GRM5: variants seen among roughly 807,000 people sequenced by gnomAD.
GRM5 encodes the protein metabotropic glutamate receptor 5.
A neutral mutation model predicts 83.1 loss-of-function variants in GRM5; 19 were observed. The ratio of observed to expected loss-of-function variants is 0.23; its 90% CI spans 0.16 to 0.34. GRM5 has a LOEUF of 0.34. GRM5 is among the 10% of genes least tolerant of loss of function. The pLI is 1.00. For synonymous variants in GRM5, 675 were observed against 633.6 expected (o/e 1.07, Z -0.98); for missense variants, 1,160 against 1,588.3 (o/e 0.73, Z 4.58).
At chr11:88,544,983 G>A (rs1012158377) in intron 8 of GRM5, among the ~76,000 whole-genome samples, 3 of 152,242 alleles carry the variant, frequency 2.0e-5, no homozygotes, top group African/African-American at 7.2e-5. Context: ...CTTTGCCTGG[G>A]CCTTTGGGAG....
chr11:89,006,201 A>G (rs1325347056), intron 2 of GRM5, among the ~76,000 whole-genome samples: 1 of 152,234 alleles, frequency 6.6e-6, no homozygotes, highest in Non-Finnish European at 1.5e-5. Flanking sequence ...GCTATGCCAT[A>G]TACTGCCACA....
At chr11:88,994,312 C>T (rs1193089489) in intron 2 of GRM5, among the ~76,000 whole-genome samples, 6 of 151,312 alleles carry the variant, frequency 4.0e-5, no homozygotes, top group Non-Finnish European at 8.8e-5. Context: ...TTACTCAAAG[C>T]AATCTACACA....
At chr11:88,827,085 T>A (rs1943906035) in intron 3 of GRM5, among the ~76,000 whole-genome samples, 1 of 152,216 alleles carries the variant, frequency 6.6e-6, no homozygotes, top group South Asian at 2.1e-4. Context: ...AAGCAATTTG[T>A]ACAAATGACA....
chr11:88,960,756 A>G (rs1938758724), intron 2 of GRM5, among the ~76,000 whole-genome samples: 1 of 152,198 alleles, frequency 6.6e-6, no homozygotes, highest in South Asian at 2.1e-4. Context: ...GTTGACAGAA[A>G]TGGAAGTAAA....
At chr11:88,660,593 G>A (rs985222395) in intron 3 of GRM5, among the ~76,000 whole-genome samples, 6 of 152,160 alleles carry the variant, frequency 3.9e-5, no homozygotes, top group Non-Finnish European at 8.8e-5. Flanking sequence ...GAAGTTAGTG[G>A]TCATTAAACT....
chr11:89,027,536 T>A (rs1268750018), intron 2 of GRM5, among the ~76,000 whole-genome samples: 1 of 152,222 alleles, frequency 6.6e-6, no homozygotes, highest in Non-Finnish European at 1.5e-5. Flanking sequence ...AGCTTCTGAT[T>A]TTCACACTTC....
At chr11:89,040,640 G>A (rs1033482503) in intron 2 of GRM5, among the ~76,000 whole-genome samples, 2 of 152,174 alleles carry the variant, frequency 1.3e-5, no homozygotes, top group Non-Finnish European at 2.9e-5. Flanking sequence ...GGTTGAGACT[G>A]CAGTGATCTA....
chr11:88,702,020 G>T (rs572625815), intron 3 of GRM5, among the ~76,000 whole-genome samples: 2 of 152,066 alleles, frequency 1.3e-5, no homozygotes, highest in East Asian at 3.9e-4. Context: ...AAAAAGGAAG[G>T]GATAAAATGA....
chr11:88,925,412 C>T (rs1945772284), intron 2 of GRM5, among the ~76,000 whole-genome samples: 1 of 152,028 alleles, frequency 6.6e-6, no homozygotes, highest in African/African-American at 2.4e-5. Flanking sequence ...TGCTTGGCCC[C>T]ATTAGCAACT....
At chr11:88,997,450 A>G (rs926448568) in intron 2 of GRM5, among the ~76,000 whole-genome samples, 7 of 151,804 alleles carry the variant, frequency 4.6e-5, no homozygotes, top group African/African-American at 9.7e-5. Context: ...AATAATAAAT[A>G]TAATAACAAA....
chr11:88,895,720 A>G (rs1385349885), intron 2 of GRM5, among the ~76,000 whole-genome samples: 1 of 151,912 alleles, frequency 6.6e-6, no homozygotes, highest in Non-Finnish European at 1.5e-5. Flanking sequence ...TATGTGAACT[A>G]TTTTAAATTG....
At chr11:88,603,933 C>G (rs544636513) in intron 5 of GRM5, among the ~76,000 whole-genome samples, 2 of 152,100 alleles carry the variant, frequency 1.3e-5, no homozygotes, top group Admixed American at 1.3e-4. Context: ...ACCAAAGGAC[C>G]CTATTGTTTT....
chr11:88,897,639 T>G (rs543216974), intron 2 of GRM5, among the ~76,000 whole-genome samples: 1 of 151,906 alleles, frequency 6.6e-6, no homozygotes, highest in African/African-American at 2.4e-5. Context: ...TGACATCTAG[T>G]AGGTTGAGGT....
intron 4 of GRM5, among the ~76,000 whole-genome samples, chr11:88,642,458 G>A (rs1025995052): frequency 8.5e-5 from 13 of 152,160 alleles, no homozygotes; most frequent in African/African-American, 2.4e-4. Flanking sequence ...TCTCTAGCAA[G>A]TGGTTGCTCC....
At chr11:89,036,219 T>G (rs776624326) in intron 2 of GRM5, among the ~76,000 whole-genome samples, 1 of 152,010 alleles carries the variant, frequency 6.6e-6, no homozygotes, top group Non-Finnish European at 1.5e-5. Flanking sequence ...TCTCAACATA[T>G]ATCACCAATT....
chr11:88,602,218 A>G (rs1264719431), intron 5 of GRM5, among the ~76,000 whole-genome samples: 1 of 152,168 alleles, frequency 6.6e-6, no homozygotes, highest in Non-Finnish European at 1.5e-5. Flanking sequence ...TTTGCTGCAG[A>G]AATATTAATG....
chr11:88,846,778 C>A (rs1373467273), intron 3 of GRM5, among the ~76,000 whole-genome samples: 1 of 150,564 alleles, frequency 6.6e-6, no homozygotes, highest in Non-Finnish European at 1.5e-5. Context: ...TTCAGAATAT[C>A]TGTAAACAAA....
intron 8 of GRM5, among the ~76,000 whole-genome samples, chr11:88,545,523 C>T (rs1334026778): frequency 8.0e-6 from 1 of 125,018 alleles, no homozygotes; most frequent in Non-Finnish European, 1.6e-5. Flanking sequence ...ATAATATAAA[C>T]ATGTCCAAAC....
chr11:88,525,312 C>G lies in GRM5; in HGVS notation c.2723G>C (p.Ser908Thr). 6.3e-7 allele frequency: 1 copy of G among 1,584,876 alleles called. No individual in the cohort carries two copies. Among genetic ancestry groups the G allele is most frequent in the Non-Finnish European group, 8.7e-7 (1 of 1,153,690 alleles). ...SMGNGGRATM[S>T]SSNGKSVTWA... ...AGGCCACTCATAGTTTGCTTACCTGCTCATTGTTGCTCTCCCACCATTCCC... is the reference window on the plus strand; with the variant it reads ...AGGCCACTCATAGTTTGCTTACCTGGTCATTGTTGCTCTCCCACCATTCCC... Residue 908 changes from serine to threonine, a missense_variant, in exon 9 of 10, where the codon AGC (serine) becomes ACC (threonine). Transcript: ENST00000305447.
Sources: allele counts gnomAD v4.1 joint callset (sites outside exome capture counted in the v4.1 genomes callset), GRCh38; gene constraint gnomAD v4.1.1; transcripts MANE v1.5; gene names NCBI Gene and HGNC (gene_info 2026-07-23, HGNC 2026-07-21).